SLC7A7: variants seen among roughly 807,000 people sequenced by gnomAD.
SLC7A7 encodes solute carrier family 7 member 7.
A neutral mutation model predicts 47.9 loss-of-function variants in SLC7A7; 39 were observed. That is an observed-to-expected ratio of 0.81 (90% CI 0.63 to 1.06). SLC7A7 has a LOEUF of 1.06. Ranked by LOEUF, SLC7A7 falls within the 50% of genes least tolerant of loss-of-function variation. SLC7A7 has a pLI of 0.00. For missense variants in SLC7A7, 588 were observed against 632.0 expected (o/e 0.93, Z 0.75); for synonymous variants, 234 against 242.8 (o/e 0.96, Z 0.34).
At chr14:22,804,630 A>G (rs1255481661) in intron 2 of SLC7A7, among the ~76,000 whole-genome samples, 1 of 152,228 alleles carries the variant, frequency 6.6e-6, no homozygotes, top group Non-Finnish European at 1.5e-5. Flanking sequence ...AGCACTGATC[A>G]TTAGAGAAAT....
At chr14:22,811,136 G>T (rs1045431039) in intron 2 of SLC7A7, among the ~76,000 whole-genome samples, 3 of 152,286 alleles carry the variant, frequency 2.0e-5, no homozygotes, top group African/African-American at 7.2e-5. Context: ...CCCCACAGAA[G>T]ACAGCCAGTT....
At chr14:22,775,741 A>C (rs1321185914) in intron 6 of SLC7A7, 92 bp downstream of exon 6, 23 of 1,015,700 alleles carry the variant, frequency 2.3e-5, no homozygotes, top group Non-Finnish European at 3.5e-5. Flanking sequence ...TATCGGTTGG[A>C]GAACACAAGT....
At chr14:22,804,599 A>G (rs1025897768) in intron 2 of SLC7A7, among the ~76,000 whole-genome samples, 1 of 152,240 alleles carries the variant, frequency 6.6e-6, no homozygotes, top group Non-Finnish European at 1.5e-5. Context: ...TGCGGCCAAC[A>G]AACATGAAAA....
At chr14:22,806,014 G>C (rs1228420410) in intron 2 of SLC7A7, among the ~76,000 whole-genome samples, 1 of 149,210 alleles carries the variant, frequency 6.7e-6, no homozygotes, top group Non-Finnish European at 1.5e-5. Flanking sequence ...GGTGGCAGGA[G>C]CCTGTAATCC....
intron 2 of SLC7A7, among the ~76,000 whole-genome samples, chr14:22,797,228 T>C (rs1393468515): frequency 6.6e-6 from 1 of 152,150 alleles, no homozygotes; most frequent in Non-Finnish European, 1.5e-5. Context: ...TCTCCCCCTG[T>C]GGTAATGGAG....
intron 2 of SLC7A7, among the ~76,000 whole-genome samples, chr14:22,792,594 C>T (rs1417542722): frequency 2.6e-5 from 4 of 152,040 alleles, no homozygotes; most frequent in African/African-American, 9.7e-5. Flanking sequence ...TGGTGGCTCA[C>T]ACCTGTAATC....
intron 2 of SLC7A7, among the ~76,000 whole-genome samples, chr14:22,784,052 C>T (rs2038768618): frequency 6.6e-6 from 1 of 152,230 alleles, no homozygotes; most frequent in African/African-American, 2.4e-5. Context: ...GGCCCCAGAG[C>T]CCAGCTAAGT....
intron 4 of SLC7A7, 93 bp from the exon 5 acceptor site, chr14:22,776,411 T>C: frequency 6.6e-7 from 1 of 1,519,838 alleles, no homozygotes; most frequent in East Asian, 2.3e-5. Context: ...CACCGGTCTT[T>C]CCAGGGATGG....
In SLC7A7 at chr14:22,790,772, G is replaced by C. The variant is rs577108530; in HGVS notation, c.500-10721C>G. Reference sequence around the variant, plus strand: ...CCCAGCACTTTGGGAGGCGGAGGCAGACGAATCACGAGTTCAAGAGATTGA... The same window carrying C: ...CCCAGCACTTTGGGAGGCGGAGGCACACGAATCACGAGTTCAAGAGATTGA... On this transcript the variant is annotated intron_variant, in intron 2 of 9. Transcript: ENST00000674313. 1.1e-4 allele frequency among the ~76,000 whole-genome samples: 17 copies of C among 152,278 alleles called. No homozygotes were observed. In the South Asian group the frequency reaches 3.5e-3, roughly 32 times the overall value.
chr14:22,795,084 T>C (rs1469874071), intron 2 of SLC7A7, among the ~76,000 whole-genome samples: 3 of 143,912 alleles, frequency 2.1e-5, no homozygotes, highest in Admixed American at 1.4e-4. Context: ...TTCTTTTTTT[T>C]TTTTTTTTTT....
intron 2 of SLC7A7, among the ~76,000 whole-genome samples, chr14:22,793,540 G>T (rs779510667): frequency 6.6e-6 from 1 of 152,130 alleles, no homozygotes; most frequent in African/African-American, 2.4e-5. Flanking sequence ...GGCTGGGCAC[G>T]GTGGCTCATG....
intron 2 of SLC7A7, among the ~76,000 whole-genome samples, chr14:22,782,385 G>A (rs1330152026): frequency 6.6e-6 from 1 of 151,292 alleles, no homozygotes; most frequent in East Asian, 2.0e-4. Context: ...TTACAAGCAT[G>A]AGCCACCGCG....
At chr14:22,794,292 A>C (rs2038975406) in intron 2 of SLC7A7, among the ~76,000 whole-genome samples, 1 of 152,158 alleles carries the variant, frequency 6.6e-6, no homozygotes, top group Non-Finnish European at 1.5e-5. Flanking sequence ...AGACACACCA[A>C]ATGCAATCCC....
chr14:22,786,021 CAAAA>C (rs1233024478), intron 2 of SLC7A7, among the ~76,000 whole-genome samples: 1 of 73,998 alleles, frequency 1.4e-5, no homozygotes, highest in Non-Finnish European at 2.5e-5. Flanking sequence ...GACTCTGTCT[CAAAA>C]AAAAAAAAAA....
intron 2 of SLC7A7, among the ~76,000 whole-genome samples, chr14:22,798,812 T>TTATTTTAAACTTA (rs922115791): frequency 2.0e-5 from 3 of 152,186 alleles, no homozygotes; most frequent in Admixed American, 1.3e-4. Context: ...ATTTTATTCC[T>TTATTTTAAACTTA]TATTTTAAAC....
intron 4 of SLC7A7, among the ~76,000 whole-genome samples, chr14:22,778,466 G>A (rs1446943082): frequency 1.3e-5 from 2 of 152,200 alleles, no homozygotes; most frequent in African/African-American, 4.8e-5. Flanking sequence ...GTGGGGATAA[G>A]GGTGGATAAA....
chr14:22,775,332 G>C, intron 7 of SLC7A7, 112 bp downstream of exon 7: 1 of 919,220 alleles, frequency 1.1e-6, no homozygotes, highest in South Asian at 1.3e-5. Flanking sequence ...TCCACCAATA[G>C]TTTTTCTATT....
chr14:22,812,842 C>T (rs1192220554), intron 2 of SLC7A7, 58 bp downstream of exon 2: 1 of 1,558,264 alleles, frequency 6.4e-7, no homozygotes, highest in Non-Finnish European at 8.7e-7. Context: ...AGACTGCACT[C>T]ACATCCCAGC....
intron 2 of SLC7A7, among the ~76,000 whole-genome samples, chr14:22,803,637 A>G (rs1246378927): frequency 6.6e-6 from 1 of 152,204 alleles, no homozygotes; most frequent in Non-Finnish European, 1.5e-5. Context: ...AGGCCAGTGT[A>G]GCTGGAGCAG....
Sources: gnomAD v4.1 joint callset for allele counts (sites outside exome capture counted in the v4.1 genomes callset) on GRCh38, gnomAD v4.1.1 for gene constraint, MANE v1.5 for transcripts, NCBI Gene and HGNC (gene_info 2026-07-23, HGNC 2026-07-21) for gene names.